The following DHRS4 variants were observed in gnomAD, a reference collection of about 807,000 sequenced individuals.
The protein encoded by DHRS4 is dehydrogenase/reductase 4, also known as dehydrogenase/reductase SDR family member 4.
A neutral mutation model predicts 28.4 loss-of-function variants in DHRS4; 20 were observed. The observed-to-expected ratio is 0.71, with a 90% CI of 0.50 to 1.02. The LOEUF (loss-of-function observed/expected upper bound fraction) is 1.02, where lower values mean the gene tolerates loss of function less well. Ranked by LOEUF, DHRS4 falls within the 50% of genes least tolerant of loss-of-function variation. The probability of loss-of-function intolerance (pLI) is 0.00; values close to 1 mark genes in which losing one functional copy is unlikely to be tolerated. For missense variants in DHRS4, 378 were observed against 367.2 expected, an observed-to-expected ratio of 1.03 and a Z score of -0.24; for synonymous variants, 144 against 146.4, an observed-to-expected ratio of 0.98 and a Z score of 0.12.
intron 7 of DHRS4, 115 bp from the exon 8 acceptor site, chr14:23,968,642 C>A: frequency 6.5e-7 from 1 of 1,532,974 alleles, no homozygotes. Flanking sequence ...GTACACTGAC[C>A]CTGAAAAAGC....
At chr14:23,967,428 A>G in intron 7 of DHRS4, 162 bp downstream of exon 7, 3 of 1,171,494 alleles carry the variant, frequency 2.6e-6, no homozygotes, top group Non-Finnish European at 3.8e-6. Context: ...CAGTGACCTG[A>G]GCAAGAAGTC....
In DHRS4 at chr14:23,967,252, C is replaced by A. The variant is rs1377398314; in HGVS notation, c.708C>A (p.Thr236=). The change falls in exon 7 of 8, where the codon ACC becomes ACA. Residue 236 remains threonine (T), a synonymous_variant. Transcript: ENST00000313250. ...DKEKEESMKE[T]LRIRRLGEPE... The stretch of plus-strand genomic sequence containing the variant: ...AAAAAGAGGAAAGCATGAAAGAAAC[C>A]CTGCGGATAAGAAGGTAAACTGTCA... 6.2e-7 allele frequency: 1 copy of A among 1,612,570 alleles called. No individual in the cohort carries two copies. The highest frequency in any genetic ancestry group is 1.3e-5 in the African/African-American group (1 of 74,576).
chr14:23,955,224 G>T lies in DHRS4; in HGVS notation c.306+12G>T. The T allele has an allele frequency of 6.2e-7, 1 of 1,610,448 alleles. No individual in the cohort carries two copies. Among genetic ancestry groups the T allele is most frequent in the Non-Finnish European group, 8.5e-7 (1 of 1,178,302 alleles). On this transcript the variant is annotated intron_variant, in intron 2 of 7. Transcript: ENST00000313250. ...GGCTGGTGGCCACGGTGAGCTGCAG[G>T]GAAATGGGCACAGAGCCAGGAGGTG...
At chr14:23,955,827 G>T (rs1431706470) in intron 2 of DHRS4, among the ~76,000 whole-genome samples, 1 of 152,222 alleles carries the variant, frequency 6.6e-6, no homozygotes, top group South Asian at 2.1e-4. Context: ...TAGTCTCAAA[G>T]AAAGTATATA....
At chr14:23,966,132 C>A (rs1290018210) in intron 5 of DHRS4, 149 bp downstream of exon 5, 2 of 1,589,042 alleles carry the variant, frequency 1.3e-6, no homozygotes, top group Non-Finnish European at 1.7e-6. Flanking sequence ...CCACAAACCA[C>A]AACCTAGGGG....
At chr14:23,954,134 A>T in intron 1 of DHRS4, 1 of 684,266 alleles carries the variant, frequency 1.5e-6, no homozygotes. Flanking sequence ...CCTCTGGCAC[A>T]ACTGTGCCAC....
chr14:23,963,478 T>A (rs370850001), intron 3 of DHRS4, among the ~76,000 whole-genome samples: 4 of 146,474 alleles, frequency 2.7e-5, no homozygotes, highest in Admixed American at 2.0e-4. Context: ...TTAAACCTCA[T>A]GAACCAACCA....
rs770269545 is a variant in DHRS4 at position 23,953,850 on chromosome 14, G to A, written c.62G>A (p.Ser21Asn). ...GCTTGGAATTCGGTGCGGATGGCCA[G>A]CTCCGGGATGACCCGCCGGGACCCG... ...ARAWNSVRMASSGMTRRDPLA... is the reference protein window; with the variant it reads ...ARAWNSVRMANSGMTRRDPLA... The change falls in exon 1 of 8, where the codon AGC becomes AAC. Residue 21 changes from serine (S) to asparagine (N), a missense_variant. Physicochemically the swap from Ser to Asn is conservative, Grantham distance 46. Transcript: ENST00000313250. 1 of 1,613,734 alleles carries A rather than the reference G, an allele frequency of 6.2e-7. No individual in the cohort carries two copies. The highest frequency in any genetic ancestry group is 2.2e-5 in the East Asian group (1 of 44,864).
chr14:23,956,708 A>G (rs893343981), intron 2 of DHRS4, among the ~76,000 whole-genome samples: 5 of 151,466 alleles, frequency 3.3e-5, no homozygotes, highest in Admixed American at 2.6e-4. Flanking sequence ...GGTTCAAGCA[A>G]TTCTCATGCC....
At chr14:23,964,360 C>T (rs1283291102) in intron 3 of DHRS4, among the ~76,000 whole-genome samples, 1 of 147,206 alleles carries the variant, frequency 6.8e-6, no homozygotes, top group African/African-American at 2.5e-5. Context: ...AATGGCTGAT[C>T]CTTGATTGAA....
chr14:23,960,276 G>C (rs1047906614), intron 3 of DHRS4, among the ~76,000 whole-genome samples: 1 of 151,938 alleles, frequency 6.6e-6, no homozygotes, highest in African/African-American at 2.4e-5. Flanking sequence ...TTTTTCCCTG[G>C]CATGCTCTTC....
chr14:23,958,779 G>A (rs1257852079), intron 2 of DHRS4, among the ~76,000 whole-genome samples: 1 of 152,166 alleles, frequency 6.6e-6, no homozygotes, highest in Non-Finnish European at 1.5e-5. Flanking sequence ...CAAAGTGGGA[G>A]ACTGACCTCA....
At chr14:23,957,408 G>A (rs559035336) in intron 2 of DHRS4, among the ~76,000 whole-genome samples, 64 of 151,968 alleles carry the variant, frequency 4.2e-4, no homozygotes, top group African/African-American at 1.4e-3. Context: ...GCTTCTCACT[G>A]GTGTTGTAAG....
intron 3 of DHRS4, among the ~76,000 whole-genome samples, chr14:23,960,376 C>T (rs1359556768): frequency 6.6e-6 from 1 of 152,026 alleles, no homozygotes; most frequent in African/African-American, 2.4e-5. Flanking sequence ...CCCTTTTCAG[C>T]TGACAAAAAG....
At chr14:23,959,753 A>C in intron 2 of DHRS4, 149 bp from the exon 3 acceptor site, 1 of 854,202 alleles carries the variant, frequency 1.2e-6, no homozygotes, top group Non-Finnish European at 1.9e-6. Context: ...TCCTCAGCTC[A>C]AGTGAGCCTC....
At chr14:23,956,640 T>G (rs943753493) in intron 2 of DHRS4, among the ~76,000 whole-genome samples, 7 of 151,228 alleles carry the variant, frequency 4.6e-5, no homozygotes, top group African/African-American at 1.7e-4. Flanking sequence ...GTTTCATTCT[T>G]GTTGCCCAGG....
At chr14:23,954,906 A>G in intron 1 of DHRS4, 129 bp from the exon 2 acceptor site, 1 of 1,460,914 alleles carries the variant, frequency 6.8e-7, no homozygotes, top group East Asian at 2.4e-5. Flanking sequence ...TACACATAGT[A>G]GGCACACGTA....
At chr14:23,968,688 C>T in intron 7 of DHRS4, 69 bp from the exon 8 acceptor site, 1 of 1,580,252 alleles carries the variant, frequency 6.3e-7, no homozygotes, top group Non-Finnish European at 8.6e-7. Flanking sequence ...ATTTAACTCC[C>T]TGTGTCCCAG....
intron 1 of DHRS4, 42 bp downstream of exon 1, chr14:23,953,958 G>A: frequency 6.4e-7 from 1 of 1,553,880 alleles, no homozygotes; most frequent in Non-Finnish European, 8.7e-7. Context: ...TGGCTGCCTG[G>A]AAACAGGCAC....
Sources: gnomAD v4.1 joint callset for allele counts (sites outside exome capture counted in the v4.1 genomes callset) on GRCh38, gnomAD v4.1.1 for gene constraint, MANE v1.5 for transcripts, NCBI Gene and HGNC (gene_info 2026-07-23, HGNC 2026-07-21) for gene names.